The following COL26A1 variants were observed in gnomAD, a reference collection of about 807,000 sequenced individuals.
COL26A1 encodes collagen alpha-1(XXVI) chain.
COL26A1 carries 41 observed loss-of-function variants against 59.3 expected under a neutral mutation model. The ratio of observed to expected loss-of-function variants is 0.69; its 90% CI spans 0.54 to 0.90. The LOEUF (loss-of-function observed/expected upper bound fraction) is 0.90, where lower values mean the gene tolerates loss of function less well. COL26A1 is among the 40% of genes least tolerant of loss of function. The probability of loss-of-function intolerance (pLI) is 0.00; values close to 1 mark genes in which losing one functional copy is unlikely to be tolerated. For synonymous variants in COL26A1, 266 were observed against 256.0 expected (o/e 1.04, Z -0.37); for missense variants, 612 against 602.3 (o/e 1.02, Z -0.17).
At chr7:101,540,190 C>T in intron 5 of COL26A1, 141 bp downstream of exon 5, 1 of 900,284 alleles carries the variant, frequency 1.1e-6, no homozygotes, top group Non-Finnish European at 1.6e-6. Flanking sequence ...ATTAAGCTAA[C>T]AGTTGAAAAT....
chr7:101,464,192 C>T (rs1051775900), intron 3 of COL26A1, among the ~76,000 whole-genome samples: 1 of 152,000 alleles, frequency 6.6e-6, no homozygotes, highest in African/African-American at 2.4e-5. Flanking sequence ...TATGGAACTC[C>T]TGGCCTCAAG....
At chr7:101,544,806 T>G (rs1414193018) in intron 6 of COL26A1, among the ~76,000 whole-genome samples, 1 of 152,180 alleles carries the variant, frequency 6.6e-6, no homozygotes, top group East Asian at 1.9e-4. Flanking sequence ...GTGCTGGGAT[T>G]ACAGGGGTGA....
intron 3 of COL26A1, among the ~76,000 whole-genome samples, chr7:101,452,428 A>T (rs113966699): frequency 6.6e-6 from 1 of 152,168 alleles, no homozygotes; most frequent in African/African-American, 2.4e-5. Context: ...AGGGCTTGGC[A>T]CTTCCCTTCA....
chr7:101,412,644 CAAAAAAAAAA>C (rs55967503), intron 1 of COL26A1, among the ~76,000 whole-genome samples: 1 of 88,020 alleles, frequency 1.1e-5, no homozygotes, highest in Non-Finnish European at 2.2e-5. Context: ...GACTCCGTCT[CAAAAAAAAAA>C]AAAAAAAAAA....
chr7:101,480,600 G>A (rs6944127), intron 3 of COL26A1, among the ~76,000 whole-genome samples: 29,018 of 151,834 alleles, frequency 0.19, 4,179 homozygotes, highest in African/African-American at 0.41. Context: ...TTCTGTACTC[G>A]AGTGATCCTC....
intron 2 of COL26A1, among the ~76,000 whole-genome samples, chr7:101,437,457 T>TA: frequency 7.3e-6 from 1 of 137,208 alleles, no homozygotes; most frequent in East Asian, 2.1e-4. Context: ...CGGGCGGAGT[T>TA]CTGAATGGGG....
At chr7:101,540,116 G>A in intron 5 of COL26A1, 67 bp downstream of exon 5, 1 of 1,512,478 alleles carries the variant, frequency 6.6e-7, no homozygotes, top group Non-Finnish European at 8.9e-7. Flanking sequence ...GCCTCCCAGG[G>A]CCTCCCTAGA....
At chr7:101,373,269 TACAGGCCTG>T (rs1230334126) in intron 1 of COL26A1, among the ~76,000 whole-genome samples, 1 of 152,192 alleles carries the variant, frequency 6.6e-6, no homozygotes, top group Admixed American at 6.5e-5. Context: ...AGAGACAGGC[TACAGGCCTG>T]AGCTCCTGGC....
At chr7:101,362,774 C>A, upstream of COL26A1, 2 of 511,256 alleles carry the variant, frequency 3.9e-6, no homozygotes, top group Non-Finnish European at 6.9e-6. Flanking sequence ...GCCTCCTCGG[C>A]CCCGGACCGC....
At position 101,557,127 on chromosome 7, in the gene COL26A1, G is replaced by A. The variant is rs180949764; in HGVS notation, c.1166-243G>A. ...TGGGTGGATGAATGGGTGAATGGAT[G>A]AATGGGTGGATACACAGATGGATGA... On this transcript the variant is annotated intron_variant, in intron 12 of 12. Transcript: ENST00000313669. Among the ~76,000 whole-genome samples the A allele has an allele frequency of 5.3e-5, 8 of 152,230 alleles. No homozygotes were observed. In the East Asian group the frequency reaches 1.5e-3, roughly 29 times the overall value.
At chr7:101,507,548 A>T (rs1794837912) in intron 3 of COL26A1, among the ~76,000 whole-genome samples, 1 of 146,086 alleles carries the variant, frequency 6.8e-6, no homozygotes, top group East Asian at 1.9e-4. Context: ...CCCCATCCTG[A>T]GTAGCTGGGA....
chr7:101,472,380 G>A (rs900843422), intron 3 of COL26A1, among the ~76,000 whole-genome samples: 3 of 152,098 alleles, frequency 2.0e-5, no homozygotes, highest in South Asian at 4.2e-4. Flanking sequence ...CTTTAAGTTC[G>A]AGGTCTTATT....
chr7:101,414,059 C>A (rs1194461926), intron 1 of COL26A1, among the ~76,000 whole-genome samples: 1 of 152,130 alleles, frequency 6.6e-6, no homozygotes, highest in Non-Finnish European at 1.5e-5. Context: ...ATGGGGGTCC[C>A]CACAACCGCG....
At chr7:101,363,846 G>A (rs1790973753) in intron 1 of COL26A1, among the ~76,000 whole-genome samples, 1 of 152,200 alleles carries the variant, frequency 6.6e-6, no homozygotes, top group African/African-American at 2.4e-5. Context: ...CTGCGGCTTT[G>A]TGTCGCGGAG....
intron 3 of COL26A1, among the ~76,000 whole-genome samples, chr7:101,504,576 A>G (rs1014043821): frequency 1.3e-5 from 2 of 152,162 alleles, no homozygotes; most frequent in Non-Finnish European, 2.9e-5. Flanking sequence ...GCTGTTGACA[A>G]CTGACATGTG....
chr7:101,369,560 T>G (rs1315287371), intron 1 of COL26A1, among the ~76,000 whole-genome samples: 6 of 145,044 alleles, frequency 4.1e-5, no homozygotes, highest in Non-Finnish European at 9.0e-5. Flanking sequence ...GCCATTCTCC[T>G]GCCTCAGCCT....
At chr7:101,379,396 C>T (rs1204957575) in intron 1 of COL26A1, among the ~76,000 whole-genome samples, 1 of 152,162 alleles carries the variant, frequency 6.6e-6, no homozygotes, top group Non-Finnish European at 1.5e-5. Flanking sequence ...CCCGTCCTGG[C>T]TCTGCCTGAT....
intron 1 of COL26A1, among the ~76,000 whole-genome samples, chr7:101,389,889 G>A (rs1271547204): frequency 1.3e-5 from 2 of 152,126 alleles, no homozygotes; most frequent in African/African-American, 4.8e-5. Context: ...GTTTCACCGT[G>A]TTGCCCAGGT....
At chr7:101,473,607 TCC>T (rs1793956633) in intron 3 of COL26A1, among the ~76,000 whole-genome samples, 6 of 120,068 alleles carry the variant, frequency 5.0e-5, no homozygotes, top group South Asian at 5.7e-4. Context: ...ACACCTTGTC[TCC>T]ACACACACAC....
Sources: allele counts gnomAD v4.1 joint callset (sites outside exome capture counted in the v4.1 genomes callset), GRCh38; gene constraint gnomAD v4.1.1; transcripts MANE v1.5; gene names NCBI Gene and HGNC (gene_info 2026-07-23, HGNC 2026-07-21).